Variants in TMEM232 observed in about 807,000 individuals in gnomAD.
TMEM232 encodes the protein transmembrane protein 232.
TMEM232 carries 80 observed loss-of-function variants against 78.8 expected under a neutral mutation model. The observed-to-expected ratio is 1.01, with a 90% CI of 0.85 to 1.22. The LOEUF is 1.22. TMEM232 is among the 50% of genes most tolerant of loss of function. The pLI is 0.00. For missense variants in TMEM232, 881 were observed against 742.2 expected (o/e 1.19, Z -2.17); for synonymous variants, 297 against 254.3 (o/e 1.17, Z -1.60).
chr5:110,545,876 G>A (rs1020541448), intron 11 of TMEM232, among the ~76,000 whole-genome samples: 3 of 152,124 alleles, frequency 2.0e-5, no homozygotes, highest in Non-Finnish European at 2.9e-5. Context: ...AGATGTGCCA[G>A]CATATGCTGC....
chr5:110,677,359 G>C (rs1372973418), intron 1 of TMEM232, among the ~76,000 whole-genome samples: 1 of 151,830 alleles, frequency 6.6e-6, no homozygotes, highest in East Asian at 1.9e-4. Flanking sequence ...CAATTTGTGA[G>C]ACACCAAGCA....
rs528527143 is a variant in TMEM232 at position 110,625,358 on chromosome 5, G to C, written c.677C>G (p.Ser226Trp). The C allele has an allele frequency of 3.9e-6, 6 of 1,547,042 alleles. No individual in the cohort carries two copies. The highest frequency in any genetic ancestry group is 5.2e-6 in the Non-Finnish European group (6 of 1,144,412). Reference protein sequence around the residue: ...FSNVQFILKASEIIGKRELRS... With the variant: ...FSNVQFILKAWEIIGKRELRS... Reference sequence around the variant, plus strand: ...GAGTTCTCTTTTACCTATAATTTCCGAGGCTTTCAGGATGAATTGCACATT... The same window carrying C: ...GAGTTCTCTTTTACCTATAATTTCCCAGGCTTTCAGGATGAATTGCACATT... Residue 226 changes from serine to tryptophan, a missense_variant, in exon 7 of 14, where the codon TCG becomes TGG. By Grantham distance (177) the Ser-to-Trp change is radical. Coordinates refer to ENST00000455884, the MANE Select transcript of TMEM232 (RefSeq NM_001039763.4).
intron 12 of TMEM232, among the ~76,000 whole-genome samples, chr5:110,503,573 C>T (rs1421461741): frequency 6.6e-6 from 1 of 152,006 alleles, no homozygotes; most frequent in African/African-American, 2.4e-5. Flanking sequence ...CATTATGAAC[C>T]TCACTAACTG....
chr5:110,395,133 G>T (rs78107822), intron 3 of TMEM232, among the ~76,000 whole-genome samples: 1,968 of 152,214 alleles, frequency 0.013, 37 homozygotes, highest in African/African-American at 0.045. Flanking sequence ...TATTGTTGCT[G>T]TTCCCCTCCC....
rs181156408 is a variant in TMEM232 at position 110,484,335 on chromosome 5, C to T, written c.1703+44253G>A. On this transcript the variant is annotated intron_variant, in intron 12 of 13. Transcript: ENST00000455884. ...AAATAAAGTTTAAAAAGTGAAAAAT[C>T]GAAAAAATATAATGTTTAAAGAGTT... 7.9e-5 allele frequency among the ~76,000 whole-genome samples: 12 copies of T among 151,088 alleles called. No homozygotes were observed. The East Asian group carries it at 1.9e-3, about 24-fold the overall frequency.
rs1177658274 is a variant in TMEM232 at position 110,568,568 on chromosome 5, G to T, written c.1334C>A (p.Ser445Ter). Reference protein sequence around the residue: ...YGLVYNLVKISWELQGDEEQD... With the variant: ...YGLVYNLVKI ...TTCTTCGTCTCCTTGAAGTTCCCATGAAATTTTCACCAGGTTATACACTAA... is the reference window on the plus strand; with the variant it reads ...TTCTTCGTCTCCTTGAAGTTCCCATTAAATTTTCACCAGGTTATACACTAA... Residue 445 changes from serine to a stop codon, truncating the protein, a stop_gained, in exon 11 of 14, where the codon TCA becomes TAA. Transcript: ENST00000455884. LOFTEE classifies it high-confidence loss of function. 1.3e-6 allele frequency: 2 copies of T among 1,549,420 alleles called. No homozygotes were observed. The highest frequency in any genetic ancestry group is 2.5e-5 in the East Asian group (1 of 40,798).
chr5:110,687,389 C>T (rs1459367304), intron 1 of TMEM232, among the ~76,000 whole-genome samples: 1 of 152,092 alleles, frequency 6.6e-6, no homozygotes, highest in East Asian at 1.9e-4. Flanking sequence ...AATAAACTCT[C>T]TATATTAATT....
intron 2 of TMEM232, among the ~76,000 whole-genome samples, chr5:110,654,185 C>T (rs190730131): frequency 1.6e-3 from 246 of 152,240 alleles, no homozygotes; most frequent in Admixed American, 3.3e-3. Flanking sequence ...TGACTTCATG[C>T]CCCCTGGCCA....
intron 10 of TMEM232, among the ~76,000 whole-genome samples, chr5:110,580,088 T>C (rs1778005381): frequency 6.6e-6 from 1 of 151,646 alleles, no homozygotes; most frequent in African/African-American, 2.4e-5. Flanking sequence ...TTATGTAATA[T>C]AAAAGGATCA....
At chr5:110,448,746 A>G (rs1308933354) in intron 12 of TMEM232, among the ~76,000 whole-genome samples, 1 of 152,006 alleles carries the variant, frequency 6.6e-6, no homozygotes, top group Non-Finnish European at 1.5e-5. Context: ...TACATATTTT[A>G]TTATTGACTT....
intron 1 of TMEM232, among the ~76,000 whole-genome samples, chr5:110,691,362 C>T (rs73228160): frequency 0.014 from 2,143 of 152,258 alleles, 55 homozygotes; most frequent in African/African-American, 0.05. Flanking sequence ...CCATAGGAAG[C>T]CCTTTGTCTT....
intron 10 of TMEM232, among the ~76,000 whole-genome samples, chr5:110,598,543 T>C (rs1244602522): frequency 1.3e-5 from 2 of 152,108 alleles, no homozygotes; most frequent in Non-Finnish European, 2.9e-5. Context: ...ATCATGCTGC[T>C]ATAAAGACAT....
At chr5:110,738,833 G>C, upstream of TMEM232, 1 of 601,966 alleles carries the variant, frequency 1.7e-6, no homozygotes, top group East Asian at 3.4e-5. Context: ...CTTTGGTACT[G>C]TGTTTCATTA....
At chr5:110,713,026 G>A (rs1796653208) in intron 1 of TMEM232, among the ~76,000 whole-genome samples, 1 of 152,120 alleles carries the variant, frequency 6.6e-6, no homozygotes, top group African/African-American at 2.4e-5. Flanking sequence ...ATCAACAGAT[G>A]AGTGGATAGA....
intron 8 of TMEM232, among the ~76,000 whole-genome samples, chr5:110,615,029 T>C (rs147263569): frequency 1.2e-4 from 18 of 152,058 alleles, no homozygotes; most frequent in African/African-American, 4.3e-4. Flanking sequence ...GCAATCTTTG[T>C]CAAACTGCAA....
At chr5:110,659,911 AAGATGTAAC>A (rs1419490761) in intron 2 of TMEM232, among the ~76,000 whole-genome samples, 1 of 152,164 alleles carries the variant, frequency 6.6e-6, no homozygotes, top group Non-Finnish European at 1.5e-5. Flanking sequence ...TAAAGAGTAA[AAGATGTAAC>A]AGATTTAATG....
At chr5:110,641,426 A>C (rs533183212) in intron 3 of TMEM232, among the ~76,000 whole-genome samples, 1 of 152,092 alleles carries the variant, frequency 6.6e-6, no homozygotes, top group South Asian at 2.1e-4. Flanking sequence ...AACTTGAGGG[A>C]GATGATCAGG....
chr5:110,469,976 C>T (rs376536887), intron 12 of TMEM232, among the ~76,000 whole-genome samples: 3 of 151,892 alleles, frequency 2.0e-5, no homozygotes, highest in East Asian at 3.9e-4. Context: ...ATGCTCCCTG[C>T]CCCCCCGGAA....
chr5:110,712,046 G>A (rs1796537990), intron 1 of TMEM232, among the ~76,000 whole-genome samples: 1 of 147,266 alleles, frequency 6.8e-6, no homozygotes, highest in South Asian at 2.2e-4. Flanking sequence ...AGCTTGCAGT[G>A]AGCAGAGATC....
Sources: gnomAD v4.1 joint callset for allele counts (sites outside exome capture counted in the v4.1 genomes callset) on GRCh38, gnomAD v4.1.1 for gene constraint, MANE v1.5 for transcripts, NCBI Gene and HGNC (gene_info 2026-07-23, HGNC 2026-07-21) for gene names.